CNTN5: variants seen among roughly 807,000 people sequenced by gnomAD.
The protein encoded by CNTN5 is contactin 5.
In CNTN5, 77 loss-of-function variants were observed where a neutral mutation model predicts 129.1. The ratio of observed to expected loss-of-function variants is 0.60; its 90% CI spans 0.50 to 0.72. The LOEUF is 0.72. CNTN5 is among the 30% of genes least tolerant of loss of function. CNTN5 has a pLI of 0.00. For synonymous variants in CNTN5, 509 were observed against 465.6 expected (o/e 1.09, Z -1.20); for missense variants, 1,478 against 1,328.8 (o/e 1.11, Z -1.75).
intron 21 of CNTN5, among the ~76,000 whole-genome samples, chr11:100,327,499 C>G (rs1301444604): frequency 6.6e-6 from 1 of 152,192 alleles, no homozygotes; most frequent in Non-Finnish European, 1.5e-5. Context: ...TGACCAGCCC[C>G]TGCCCACGGA....
chr11:99,540,948 C>A (rs1332542165), intron 2 of CNTN5, among the ~76,000 whole-genome samples: 1 of 152,156 alleles, frequency 6.6e-6, no homozygotes, highest in Non-Finnish European at 1.5e-5. Flanking sequence ...CCAATGACTG[C>A]CAGTAATACT....
rs938313915 is a variant in CNTN5, at chr11:99,901,017, T to A, written c.578-15037T>A. Among the ~76,000 whole-genome samples the A allele has an allele frequency of 6.6e-5, 10 of 152,194 alleles. No homozygotes were observed. In the East Asian group the frequency reaches 7.7e-4, roughly 12 times the overall value. On this transcript the variant is annotated intron_variant, in intron 6 of 24. Coordinates refer to ENST00000524871, the MANE Select transcript of CNTN5 (RefSeq NM_014361.4). ...AATTTTGCCTCTATTATTTACTAAT[T>A]GTGTAACATTGGGCAAGGTACATAG...
In CNTN5 at chr11:100,255,763, C is replaced by G; in HGVS notation, c.2009C>G (p.Pro670Arg). The change falls in exon 17 of 25, where the codon CCC becomes CGC. Residue 670 changes from proline to arginine, a missense_variant. Pro to Arg is a moderately radical substitution (Grantham distance 103). Transcript: ENST00000524871. Reference sequence around the variant, plus strand: ...ATCCATTGCCTTTGACCTATAGGACCCCCAGGCCCACCTGGGATAGTAATT... The same window carrying G: ...ATCCATTGCCTTTGACCTATAGGACGCCCAGGCCCACCTGGGATAGTAATT... ...SDEAELLVRGPPGPPGIVIVE... is the reference protein window; with the variant it reads ...SDEAELLVRGRPGPPGIVIVE... 6.2e-7 allele frequency: 1 copy of G among 1,613,196 alleles called. No individual in the cohort carries two copies. Among genetic ancestry groups the G allele is most frequent in the South Asian group, 1.1e-5 (1 of 91,036 alleles).
intron 3 of CNTN5, among the ~76,000 whole-genome samples, chr11:99,648,324 C>T (rs1221100910): frequency 1.3e-5 from 2 of 151,470 alleles, no homozygotes; most frequent in East Asian, 1.9e-4. Context: ...AAATGTTCAG[C>T]ATTACTAATG....
At chr11:99,722,870 T>C (rs1031815817) in intron 3 of CNTN5, among the ~76,000 whole-genome samples, 2 of 152,014 alleles carry the variant, frequency 1.3e-5, no homozygotes, top group African/African-American at 2.4e-5. Context: ...AATGTATACC[T>C]CAACTCTCCG....
At chr11:99,930,084 C>T (rs773814356) in intron 7 of CNTN5, among the ~76,000 whole-genome samples, 2 of 152,052 alleles carry the variant, frequency 1.3e-5, no homozygotes, top group African/African-American at 4.8e-5. Flanking sequence ...GTTGGCTAAT[C>T]GCAGTATGTA....
At chr11:99,754,476 AG>A (rs1191517481) in intron 3 of CNTN5, among the ~76,000 whole-genome samples, 7 of 152,200 alleles carry the variant, frequency 4.6e-5, no homozygotes, top group African/African-American at 7.2e-5. Flanking sequence ...TCATGCCTTA[AG>A]GGTTCAACTT....
intron 9 of CNTN5, among the ~76,000 whole-genome samples, chr11:100,004,165 T>C (rs1431078457): frequency 6.6e-6 from 1 of 152,202 alleles, no homozygotes; most frequent in Non-Finnish European, 1.5e-5. Flanking sequence ...CTTTGTCTGT[T>C]GCAAAAACTT....
At chr11:99,399,325 C>G (rs942805135) in intron 2 of CNTN5, among the ~76,000 whole-genome samples, 6 of 151,626 alleles carry the variant, frequency 4.0e-5, no homozygotes, top group African/African-American at 1.5e-4. Flanking sequence ...TTGAAAAATT[C>G]TAAATTATGA....
rs544023992 is a variant in CNTN5, at chr11:99,242,349, T to G, written c.-209-82997T>G. Among the ~76,000 whole-genome samples the G allele has an allele frequency of 6.6e-5, 10 of 152,242 alleles. No homozygotes were observed. The East Asian group carries it at 1.9e-3, about 29-fold the overall frequency. ...AAAAAGAAATTCTTAAATCTGTTTT[T>G]TCATTCAAGAGTCTACTTACAAGTC... On this transcript the variant is annotated intron_variant, in intron 1 of 24. Coordinates refer to ENST00000524871, the MANE Select transcript of CNTN5 (RefSeq NM_014361.4).
intron 13 of CNTN5, among the ~76,000 whole-genome samples, chr11:100,086,142 A>G (rs542779171): frequency 1.3e-5 from 2 of 152,068 alleles, no homozygotes; most frequent in African/African-American, 4.8e-5. Flanking sequence ...TTAACTTAGT[A>G]GCCAAGAGGT....
chr11:99,477,282 C>A (rs1454165407), intron 2 of CNTN5, among the ~76,000 whole-genome samples: 1 of 151,738 alleles, frequency 6.6e-6, no homozygotes, highest in African/African-American at 2.4e-5. Flanking sequence ...AGATGCAGTT[C>A]TCTGCATTTT....
chr11:100,247,877 G>A (rs1449661730), intron 16 of CNTN5, among the ~76,000 whole-genome samples: 1 of 151,898 alleles, frequency 6.6e-6, no homozygotes, highest in Non-Finnish European at 1.5e-5. Flanking sequence ...ATGGTTCATT[G>A]TAGATGAGTA....
At chr11:99,586,270 T>G (rs1197405332) in intron 3 of CNTN5, among the ~76,000 whole-genome samples, 1 of 152,192 alleles carries the variant, frequency 6.6e-6, no homozygotes, top group African/African-American at 2.4e-5. Context: ...AAAACATTTG[T>G]GCTAACCATT....
chr11:99,807,240 A>T (rs1946301304), intron 3 of CNTN5, among the ~76,000 whole-genome samples: 1 of 152,212 alleles, frequency 6.6e-6, no homozygotes, highest in Non-Finnish European at 1.5e-5. Flanking sequence ...TGATGCTAAC[A>T]GGAGTCTAAA....
chr11:100,262,139 T>G (rs895942906), intron 17 of CNTN5, among the ~76,000 whole-genome samples: 2 of 152,104 alleles, frequency 1.3e-5, no homozygotes, highest in African/African-American at 4.8e-5. Context: ...GCAAAGGATA[T>G]GAACAGACAC....
chr11:99,234,013 G>A (rs1397477034), intron 1 of CNTN5, among the ~76,000 whole-genome samples: 1 of 152,084 alleles, frequency 6.6e-6, no homozygotes, highest in Non-Finnish European at 1.5e-5. Context: ...AGCTCAAAGA[G>A]AGGATGTGAA....
At chr11:99,534,414 C>T (rs531781129) in intron 2 of CNTN5, among the ~76,000 whole-genome samples, 17 of 151,902 alleles carry the variant, frequency 1.1e-4, no homozygotes, top group Non-Finnish European at 2.1e-4. Context: ...TATGTTAAAC[C>T]GTAGGATAGA....
intron 13 of CNTN5, among the ~76,000 whole-genome samples, chr11:100,185,585 A>C (rs1349208986): frequency 6.6e-6 from 1 of 152,200 alleles, no homozygotes; most frequent in Non-Finnish European, 1.5e-5. Flanking sequence ...GAGGAAGGAC[A>C]CGTAATGGAC....
Sources: gnomAD v4.1 joint callset for allele counts (sites outside exome capture counted in the v4.1 genomes callset) on GRCh38, gnomAD v4.1.1 for gene constraint, MANE v1.5 for transcripts, NCBI Gene and HGNC (gene_info 2026-07-23, HGNC 2026-07-21) for gene names.